Variants in SMARCD3 observed in about 807,000 individuals in gnomAD.
SMARCD3 encodes SWI/SNF-related matrix-associated actin-dependent regulator of chromatin subfamily D member 3.
A neutral mutation model predicts 58.0 loss-of-function variants in SMARCD3; 14 were observed. The ratio of observed to expected loss-of-function variants is 0.24; its 90% confidence interval spans 0.16 to 0.38. SMARCD3 has a LOEUF of 0.38. Ranked by LOEUF, SMARCD3 falls within the 10% of genes least tolerant of loss-of-function variation. The pLI, the probability that SMARCD3 is intolerant of heterozygous loss-of-function variation, is 1.00. For missense variants in SMARCD3, 408 were observed against 636.9 expected, an observed-to-expected ratio of 0.64 and a Z score of 3.87; for synonymous variants, 253 against 253.8, an observed-to-expected ratio of 1.00 and a Z score of 0.03.
rs755924516 is a variant in SMARCD3 at position 151,248,690 on chromosome 7, G to A, written c.-128C>T. The A allele has an allele frequency of 2.8e-5, 39 of 1,404,388 alleles. No homozygotes were observed. The highest frequency in any genetic ancestry group is 3.5e-5 in the Non-Finnish European group (37 of 1,068,364). 87.0% of individuals were successfully genotyped at this position (1,404,388 alleles called of 1,614,324 possible). ...GGCTCTCTCACACTTCTACTCGAGC[G>A]GAGTGGGGAGGGGGCCCCTTCAGGG... On this transcript the variant is annotated 5_prime_UTR_variant, in exon 1 of 13. Transcript: ENST00000262188. This position sits in a 1 kb window ranked among gnomAD's most constrained non-coding sequence, Gnocchi z 6.1.
In SMARCD3 at chr7:151,248,098, C is replaced by G. The variant is rs897418187; in HGVS notation, c.78+387G>C. ...CCCAACGGATGAACAGACAGCCCAGCCCAGCCTCTGCCATGTCCCCATCCC... is the reference window on the plus strand; with the variant it reads ...CCCAACGGATGAACAGACAGCCCAGGCCAGCCTCTGCCATGTCCCCATCCC... On this transcript the variant is annotated intron_variant, in intron 1 of 12. Coordinates refer to ENST00000262188, the MANE Select transcript of SMARCD3 (RefSeq NM_001003801.2). The surrounding 1 kb of genome is among the most constrained non-coding windows in gnomAD (Gnocchi z 6.1). Among the ~76,000 whole-genome samples the G allele has an allele frequency of 2.0e-5, 3 of 152,138 alleles. No homozygotes were observed. Among genetic ancestry groups the G allele is most frequent in the Non-Finnish European group, 4.4e-5 (3 of 68,012 alleles).
In SMARCD3 at chr7:151,245,266, C is replaced by T. The variant is rs1803200312; in HGVS notation, c.290+194G>A. On this transcript the variant is annotated intron_variant, in intron 2 of 12. Transcript: ENST00000262188. The surrounding 1 kb of genome is among the most constrained non-coding windows in gnomAD (Gnocchi z 6.2). The stretch of plus-strand genomic sequence containing the variant: ...TGCCGACGCCGCAGCCTGTCTCTAC[C>T]GTGGGCACACAAAAGAATCAGGCCG... Among the ~76,000 whole-genome samples the T allele has an allele frequency of 6.6e-6, 1 of 152,204 alleles. No individual in the cohort carries two copies. The highest frequency in any genetic ancestry group is 1.5e-5 in the Non-Finnish European group (1 of 68,028).
In SMARCD3 at chr7:151,238,892, A is replaced by AG. The variant is rs1802800957; in HGVS notation, c.*210dup. Reference sequence around the variant, plus strand: ...GGGAAGGGAATGGGGAGTCGTCCCGAGGGACCCACTGCCTCCCCACCTTCT... The same window carrying AG: ...GGGAAGGGAATGGGGAGTCGTCCCGAGGGGACCCACTGCCTCCCCACCTTCT... On this transcript the variant is annotated 3_prime_UTR_variant, in exon 13 of 13. Coordinates refer to ENST00000262188, the MANE Select transcript of SMARCD3 (RefSeq NM_001003801.2). 4.0e-6 allele frequency: 5 copies of AG among 1,239,234 alleles called. No individual in the cohort carries two copies. Among genetic ancestry groups the AG allele is most frequent in the African/African-American group, 3.0e-5 (2 of 67,110 alleles). 76.8% of individuals were successfully genotyped at this position (1,239,234 alleles called of 1,614,324 possible).
intron 2 of SMARCD3, among the ~76,000 whole-genome samples, chr7:151,244,320 G>A (rs2256864): frequency 0.39 from 59,914 of 152,032 alleles, 12,300 homozygotes; most frequent in East Asian, 0.72. Flanking sequence ...AATGTGCATG[G>A]GTGTGACTTC....
chr7:151,239,826 G>T lies in SMARCD3; in HGVS notation c.1174-80C>A. On this transcript the variant is annotated intron_variant, in intron 10 of 12. Coordinates refer to ENST00000262188, the MANE Select transcript of SMARCD3 (RefSeq NM_001003801.2). The surrounding 1 kb of genome is among the most constrained non-coding windows in gnomAD (Gnocchi z 7.0). ...GGGGAAAGGAAGCGGGTGGGAAGGG[G>T]AGGGAGAGGGGGTTTCTTCTGTGAA... 9 of 1,355,158 alleles carry T rather than the reference G, an allele frequency of 6.6e-6. No individual in the cohort carries two copies. Among genetic ancestry groups the T allele is most frequent in the African/African-American group, 1.4e-5 (1 of 69,926 alleles). 83.9% of individuals were successfully genotyped at this position (1,355,158 alleles called of 1,614,324 possible).
chr7:151,274,447 G>C (rs1481094154), intron 2 of SMARCD3, among the ~76,000 whole-genome samples: 1 of 152,238 alleles, frequency 6.6e-6, no homozygotes, highest in African/African-American at 2.4e-5. Context: ...GGAGGCTTAG[G>C]AAGGCCCTAC....
chr7:151,270,042 C>T (rs895983360), intron 2 of SMARCD3, among the ~76,000 whole-genome samples: 10 of 152,280 alleles, frequency 6.6e-5, no homozygotes, highest in African/African-American at 2.4e-4. Flanking sequence ...CTGGATGTTC[C>T]GAGCGGAGAC....
In SMARCD3 at chr7:151,239,752, G is replaced by T. The variant is rs551124367; in HGVS notation, c.1174-6C>A. 11 of 1,613,782 alleles carry T rather than the reference G, an allele frequency of 6.8e-6. No homozygotes were observed. In the African/African-American group the frequency reaches 1.5e-4, roughly 22 times the overall value. On this transcript the variant is annotated splice_polypyrimidine_tract_variant and splice_region_variant and intron_variant, in intron 10 of 12. Coordinates refer to ENST00000262188, the MANE Select transcript of SMARCD3 (RefSeq NM_001003801.2). The surrounding 1 kb of genome is among the most constrained non-coding windows in gnomAD (Gnocchi z 7.0). ...GACTCAATCGTCTCATGGATCTGCAGGTAGAAAGATAGATGCTTTCCACCT... is the reference window on the plus strand; with the variant it reads ...GACTCAATCGTCTCATGGATCTGCATGTAGAAAGATAGATGCTTTCCACCT...
intron 2 of SMARCD3, among the ~76,000 whole-genome samples, chr7:151,268,893 T>C (rs1461623465): frequency 6.6e-6 from 1 of 152,158 alleles, no homozygotes; most frequent in Non-Finnish European, 1.5e-5. Flanking sequence ...CATGAACCAC[T>C]GCGACTGGCC....
In SMARCD3 at chr7:151,241,404, AGGG is replaced by A. The variant is rs1328658075; in HGVS notation, c.939+85_939+87del. On this transcript the variant is annotated intron_variant, in intron 8 of 12. Coordinates refer to ENST00000262188, the MANE Select transcript of SMARCD3 (RefSeq NM_001003801.2). The surrounding 1 kb of genome is among the most constrained non-coding windows in gnomAD (Gnocchi z 5.3). ...TCTGCTACTCAGGAATCTAGAAGGG[AGGG>A]GTGGTAGTTACCTTGGTAGAGGTAC... is the stretch of plus-strand genomic sequence containing the variant. 9.1e-7 allele frequency: 1 copy of A among 1,100,578 alleles called. No individual in the cohort carries two copies. Among genetic ancestry groups the A allele is most frequent in the African/African-American group, 1.5e-5 (1 of 64,790 alleles). 68.2% of individuals were successfully genotyped at this position (1,100,578 alleles called of 1,614,324 possible).
intron 2 of SMARCD3, among the ~76,000 whole-genome samples, chr7:151,258,187 G>A (rs1241001420): frequency 1.3e-5 from 2 of 152,008 alleles, no homozygotes; most frequent in Non-Finnish European, 2.9e-5. Flanking sequence ...GATGCCGCCC[G>A]AGATCCAAAC....
chr7:151,245,454 A>G lies in SMARCD3; in HGVS notation c.290+6T>C. ...ACGCCCCCTCCTCGCCGGGCCTCCC[A>G]CTCACCTGCGGCTCCGCGCGGGGGC... On this transcript the variant is annotated splice_donor_region_variant and intron_variant, in intron 2 of 12. Transcript: ENST00000262188. This position sits in a 1 kb window ranked among gnomAD's most constrained non-coding sequence, Gnocchi z 6.2. 8.3e-7 allele frequency: 1 copy of G among 1,200,712 alleles called. No homozygotes were observed. The highest frequency in any genetic ancestry group is 1.0e-6 in the Non-Finnish European group (1 of 961,464). The allele number at this position is 1,200,712 out of a possible 1,614,324, so 74.4% of individuals were successfully genotyped here. A position where few individuals can be genotyped will look rare whatever the true frequency, so the allele number is the denominator to read the frequency against.
intron 2 of SMARCD3, among the ~76,000 whole-genome samples, chr7:151,266,073 G>C (rs550703848): frequency 6.6e-6 from 1 of 152,038 alleles, no homozygotes; most frequent in Non-Finnish European, 1.5e-5. Flanking sequence ...GGTTTCAAGC[G>C]ATTCTCATGC....
At chr7:151,256,667 C>T (rs918577691) in intron 2 of SMARCD3, among the ~76,000 whole-genome samples, 1 of 152,132 alleles carries the variant, frequency 6.6e-6, no homozygotes, top group African/African-American at 2.4e-5. Flanking sequence ...CAAATATGCC[C>T]GCTCCCACAC....
chr7:151,272,613 TG>T (rs1795212820), intron 2 of SMARCD3, among the ~76,000 whole-genome samples: 2 of 152,252 alleles, frequency 1.3e-5, no homozygotes. Context: ...CTCAAATCCC[TG>T]GAAGTAAGTG....
At chr7:151,271,258 C>T (rs1413550717) in intron 2 of SMARCD3, among the ~76,000 whole-genome samples, 2 of 152,174 alleles carry the variant, frequency 1.3e-5, no homozygotes, top group African/African-American at 4.8e-5. Context: ...GCTGCTTACC[C>T]TGTGGCCAGC....
intron 2 of SMARCD3, among the ~76,000 whole-genome samples, chr7:151,267,533 C>G (rs1008801658): frequency 6.6e-6 from 1 of 152,226 alleles, no homozygotes; most frequent in Non-Finnish European, 1.5e-5. Flanking sequence ...TCTACAACAG[C>G]CCCTGCCCTT....
intron 2 of SMARCD3, among the ~76,000 whole-genome samples, chr7:151,274,658 A>G (rs1184544696): frequency 6.6e-6 from 1 of 152,244 alleles, no homozygotes; most frequent in Non-Finnish European, 1.5e-5. Context: ...TCCAGCTCGC[A>G]GAGAGCATGT....
At chr7:151,261,863 G>C (rs1803927757) in intron 2 of SMARCD3, among the ~76,000 whole-genome samples, 1 of 152,214 alleles carries the variant, frequency 6.6e-6, no homozygotes, top group African/African-American at 2.4e-5. Context: ...ATCATTCACA[G>C]TGGCTAATTA....
Sources: allele counts gnomAD v4.1 joint callset (sites outside exome capture counted in the v4.1 genomes callset), GRCh38; gene constraint gnomAD v4.1.1; non-coding constraint Gnocchi (gnomAD v3.1); transcripts MANE v1.5; gene names NCBI Gene and HGNC (gene_info 2026-07-23, HGNC 2026-07-21).